Variants in AFG2A observed in about 807,000 individuals in gnomAD.
AFG2A encodes AAA ATPase AFG2A.
At chr4:123,068,934 A>G in the AFG2A span, among the ~76,000 whole-genome samples, 2 of 152,168 alleles carry the variant, frequency 1.3e-5, no homozygotes, top group Non-Finnish European at 2.9e-5. Flanking sequence ...CTTCATGGTA[A>G]AGAATCATTG....
At chr4:122,931,661 G>A in the AFG2A span, among the ~76,000 whole-genome samples, 1 of 152,124 alleles carries the variant, frequency 6.6e-6, no homozygotes, top group East Asian at 1.9e-4. Flanking sequence ...AGGTGCTAGT[G>A]CTGGGATTCA....
At chr4:123,300,743 G>GTT in the AFG2A span, among the ~76,000 whole-genome samples, 1 of 73,308 alleles carries the variant, frequency 1.4e-5, no homozygotes, top group African/African-American at 3.8e-5. Context: ...ATTATCCTAT[G>GTT]TTTTTTTTGT....
chr4:123,137,898 TAGAGTTAATA>T, the AFG2A span, among the ~76,000 whole-genome samples: 1 of 152,192 alleles, frequency 6.6e-6, no homozygotes, highest in East Asian at 1.9e-4. Flanking sequence ...ACAGTCTACT[TAGAGTTAATA>T]TTTTATCACT....
At chr4:123,055,168 A>T in the AFG2A span, among the ~76,000 whole-genome samples, 1 of 152,170 alleles carries the variant, frequency 6.6e-6, no homozygotes, top group Admixed American at 6.5e-5. Context: ...ATTGTATGTA[A>T]TTTAAAAGTC....
chr4:123,062,200 C>T, the AFG2A span, among the ~76,000 whole-genome samples: 1 of 152,140 alleles, frequency 6.6e-6, no homozygotes, highest in Non-Finnish European at 1.5e-5. Flanking sequence ...CTCTCAATGG[C>T]TCGTCATGTG....
chr4:123,134,907 T>C, the AFG2A span, among the ~76,000 whole-genome samples: 1 of 152,088 alleles, frequency 6.6e-6, no homozygotes, highest in Non-Finnish European at 1.5e-5. Flanking sequence ...CAGACTCATT[T>C]TATGAGGCCA....
At chr4:122,938,383 G>C in the AFG2A span, 2 of 1,028,326 alleles carry the variant, frequency 1.9e-6, no homozygotes, top group Middle Eastern at 2.4e-4. Flanking sequence ...TAGCAACTAG[G>C]GGAAAGATCT....
chr4:123,030,972 A>T, the AFG2A span, among the ~76,000 whole-genome samples: 1 of 152,270 alleles, frequency 6.6e-6, no homozygotes. Flanking sequence ...CAACTCTCCT[A>T]TAGGTTTAAA....
the AFG2A span, among the ~76,000 whole-genome samples, chr4:123,080,176 G>A: frequency 2.6e-5 from 4 of 152,182 alleles, no homozygotes; most frequent in African/African-American, 9.7e-5. Context: ...TGAAGCCTTT[G>A]GGAGATAATT....
At chr4:123,254,414 C>T in the AFG2A span, among the ~76,000 whole-genome samples, 1 of 151,932 alleles carries the variant, frequency 6.6e-6, no homozygotes, top group South Asian at 2.1e-4. Flanking sequence ...CTTCCTTTTT[C>T]TATTTTATTT....
the AFG2A span, chr4:122,934,470 T>C: frequency 6.2e-7 from 1 of 1,614,230 alleles, no homozygotes; most frequent in Non-Finnish European, 8.5e-7. Context: ...AATGTAATTT[T>C]GAATCTGCCA....
At chr4:123,316,597 T>C in the AFG2A span, 5 of 152,160 alleles carry the variant, frequency 3.3e-5, no homozygotes, top group African/African-American at 4.8e-5. Context: ...GGAAAACTTA[T>C]CCTTCAGGGC....
the AFG2A span, among the ~76,000 whole-genome samples, chr4:123,152,053 C>T: frequency 1.3e-5 from 2 of 149,254 alleles, no homozygotes; most frequent in South Asian, 2.2e-4. Context: ...CTCACATTCT[C>T]ATTCATAAGT....
At chr4:123,316,209 A>G in the AFG2A span, 3 of 152,262 alleles carry the variant, frequency 2.0e-5, no homozygotes, top group Admixed American at 2.0e-4. Flanking sequence ...GGGACAAAGA[A>G]TATTACCACT....
the AFG2A span, among the ~76,000 whole-genome samples, chr4:122,997,373 T>G: frequency 6.6e-6 from 1 of 152,248 alleles, no homozygotes; most frequent in African/African-American, 2.4e-5. Context: ...GTACATTTTC[T>G]ATAAATGGAA....
At chr4:123,217,413 C>A in the AFG2A span, among the ~76,000 whole-genome samples, 1 of 152,190 alleles carries the variant, frequency 6.6e-6, no homozygotes, top group African/African-American at 2.4e-5. Context: ...AATTATGTGG[C>A]TATTTTAAGA....
At chr4:123,255,353 C>A in the AFG2A span, among the ~76,000 whole-genome samples, 1 of 152,010 alleles carries the variant, frequency 6.6e-6, no homozygotes, top group African/African-American at 2.4e-5. Flanking sequence ...GGTGAAACCC[C>A]GTCTCTACTA....
the AFG2A span, among the ~76,000 whole-genome samples, chr4:122,981,121 A>G: frequency 6.6e-6 from 1 of 152,024 alleles, no homozygotes; most frequent in African/African-American, 2.4e-5. Flanking sequence ...TAGTAGTTTT[A>G]CAGTTCTAGA....
chr4:123,209,056 T>G, the AFG2A span, among the ~76,000 whole-genome samples: 3 of 152,324 alleles, frequency 2.0e-5, no homozygotes, highest in African/African-American at 7.2e-5. Context: ...TTTAGTCATC[T>G]GTATCCTTTG....
Sources: gnomAD v4.1 joint callset for allele counts (sites outside exome capture counted in the v4.1 genomes callset) on GRCh38, gnomAD v4.1.1 for gene constraint, MANE v1.5 for transcripts, NCBI Gene and HGNC (gene_info 2026-07-23, HGNC 2026-07-21) for gene names.